Variants in GABRB1 observed in about 807,000 individuals in gnomAD.
GABRB1 encodes gamma-aminobutyric acid type A receptor subunit beta1, also known as gamma-aminobutyric acid receptor subunit beta-1.
A neutral mutation model predicts 51.6 loss-of-function variants in GABRB1; 17 were observed. The observed-to-expected ratio is 0.33, with a 90% CI of 0.23 to 0.49. GABRB1 has a LOEUF of 0.49. Among genes scored for constraint, GABRB1 ranks in the 20% least tolerant of loss-of-function variants. GABRB1 has a pLI of 0.99. For synonymous variants in GABRB1, 247 were observed against 218.9 expected (o/e 1.13, Z -1.14); for missense variants, 410 against 600.6 (o/e 0.68, Z 3.32).
intron 5 of GABRB1, among the ~76,000 whole-genome samples, chr4:47,379,475 G>T (rs142358914): frequency 6.0e-4 from 92 of 152,254 alleles, no homozygotes; most frequent in African/African-American, 2.1e-3. Context: ...TAAGGTTTTT[G>T]AACACATTTA....
intron 3 of GABRB1, among the ~76,000 whole-genome samples, chr4:47,094,045 G>A (rs1369546324): frequency 6.6e-6 from 1 of 151,410 alleles, no homozygotes; most frequent in Non-Finnish European, 1.5e-5. Flanking sequence ...TGGGCAAGAG[G>A]ATGGCAAGGA....
intron 3 of GABRB1, among the ~76,000 whole-genome samples, chr4:47,052,231 C>T (rs966182661): frequency 6.6e-6 from 1 of 152,138 alleles, no homozygotes; most frequent in Admixed American, 6.5e-5. Context: ...CCCCTTTTTA[C>T]ACTGAAGCAA....
rs570862681 is a variant in GABRB1, at chr4:47,334,646, T to C, written c.544+14437T>C. ...CACTCTATTTGATTTTATTTGACTCTGTGTCCAGAAACTAGAGATTTTTTA... is the reference window on the plus strand; with the variant it reads ...CACTCTATTTGATTTTATTTGACTCCGTGTCCAGAAACTAGAGATTTTTTA... On this transcript the variant is annotated intron_variant, in intron 5 of 8. Transcript: ENST00000295454. Among the ~76,000 whole-genome samples, 40 of 152,346 alleles carry C rather than the reference T, an allele frequency of 2.6e-4. No homozygotes were observed. The South Asian group carries it at 8.1e-3, about 31-fold the overall frequency.
intron 1 of GABRB1, among the ~76,000 whole-genome samples, chr4:47,026,175 A>T (rs987463300): frequency 6.6e-6 from 1 of 151,850 alleles, no homozygotes; most frequent in African/African-American, 2.4e-5. Context: ...AATAAATAAA[A>T]AGTCCTTTTC....
chr4:47,250,221 G>A (rs1044988389), intron 4 of GABRB1, among the ~76,000 whole-genome samples: 10 of 152,072 alleles, frequency 6.6e-5, no homozygotes, highest in African/African-American at 2.4e-4. Context: ...GCTTAGTTTT[G>A]CTGGATACAA....
intron 4 of GABRB1, among the ~76,000 whole-genome samples, chr4:47,254,260 C>G (rs1261772881): frequency 6.6e-6 from 1 of 151,770 alleles, no homozygotes; most frequent in Non-Finnish European, 1.5e-5. Flanking sequence ...CCTGATACCC[C>G]TGTCCCCACC....
At chr4:47,195,469 A>AGATTAGATGATT (rs1178057782) in intron 4 of GABRB1, among the ~76,000 whole-genome samples, 12 of 81,810 alleles carry the variant, frequency 1.5e-4, no homozygotes, top group Non-Finnish European at 2.4e-4. Flanking sequence ...GATGATAGAT[A>AGATTAGATGATT]GATAGATAGA....
intron 4 of GABRB1, among the ~76,000 whole-genome samples, chr4:47,193,734 C>A (rs1719537448): frequency 6.6e-6 from 1 of 152,144 alleles, no homozygotes; most frequent in African/African-American, 2.4e-5. Context: ...TAACTTTGTG[C>A]AAAGAGGATG....
chr4:47,333,213 TATATATATATATATATATATATAC>T (rs991714153), intron 5 of GABRB1, among the ~76,000 whole-genome samples: 17 of 86,814 alleles, frequency 2.0e-4, no homozygotes, highest in African/African-American at 4.5e-4. Context: ...TATATATATA[TATATATATATATATATATATATAC>T]ACACCACGTA....
intron 4 of GABRB1, among the ~76,000 whole-genome samples, chr4:47,184,248 T>G (rs912525938): frequency 6.6e-6 from 1 of 151,918 alleles, no homozygotes; most frequent in African/African-American, 2.4e-5. Flanking sequence ...ATTAGTTATC[T>G]CATAACCGTA....
At chr4:47,340,752 C>T (rs78960007) in intron 5 of GABRB1, among the ~76,000 whole-genome samples, 4,545 of 152,250 alleles carry the variant, frequency 0.03, 161 homozygotes, top group African/African-American at 0.081. Context: ...CAGGCCATAG[C>T]AGGTAACAAT....
chr4:47,346,773 T>C (rs1393034027), intron 5 of GABRB1, among the ~76,000 whole-genome samples: 1 of 152,220 alleles, frequency 6.6e-6, no homozygotes, highest in African/African-American at 2.4e-5. Context: ...AAAGTTTGCA[T>C]CCTTGCTGTT....
At chr4:47,001,362 T>TC (rs201395127) in intron 1 of GABRB1, among the ~76,000 whole-genome samples, 1 of 152,096 alleles carries the variant, frequency 6.6e-6, no homozygotes, top group Non-Finnish European at 1.5e-5. Flanking sequence ...CAGGATGGTC[T>TC]GAATCTCCTG....
chr4:47,281,205 A>G (rs936280458), intron 4 of GABRB1, among the ~76,000 whole-genome samples: 13 of 152,322 alleles, frequency 8.5e-5, no homozygotes, highest in African/African-American at 3.1e-4. Context: ...TAGCGAGGAA[A>G]CAAATAATCT....
intron 3 of GABRB1, among the ~76,000 whole-genome samples, chr4:47,108,474 A>G (rs1715072231): frequency 6.6e-6 from 1 of 151,934 alleles, no homozygotes; most frequent in Non-Finnish European, 1.5e-5. Flanking sequence ...TTGACTTTTT[A>G]TTTCTTCTTT....
At chr4:47,246,477 T>C (rs1401303005) in intron 4 of GABRB1, among the ~76,000 whole-genome samples, 1 of 146,888 alleles carries the variant, frequency 6.8e-6, no homozygotes, top group Non-Finnish European at 1.5e-5. Context: ...TGAATTGTGC[T>C]ACTATAAACA....
At chr4:47,283,546 G>A (rs998270305) in intron 4 of GABRB1, among the ~76,000 whole-genome samples, 12 of 150,410 alleles carry the variant, frequency 8.0e-5, no homozygotes, top group African/African-American at 2.4e-4. Flanking sequence ...CCGCCACCAC[G>A]CCCGGCTAAA....
chr4:47,295,332 C>A (rs910637275), intron 4 of GABRB1, among the ~76,000 whole-genome samples: 13 of 152,196 alleles, frequency 8.5e-5, no homozygotes, highest in African/African-American at 2.9e-4. Context: ...GAAATTCAAA[C>A]AAAAGGCAAA....
intron 8 of GABRB1, among the ~76,000 whole-genome samples, chr4:47,415,929 C>T (rs768696453): frequency 7.2e-5 from 11 of 152,114 alleles, no homozygotes; most frequent in African/African-American, 2.7e-4. Flanking sequence ...AGAGATGACT[C>T]AAAGTATAAG....
Sources: allele counts gnomAD v4.1 joint callset (sites outside exome capture counted in the v4.1 genomes callset), GRCh38; gene constraint gnomAD v4.1.1; transcripts MANE v1.5; gene names NCBI Gene and HGNC (gene_info 2026-07-23, HGNC 2026-07-21).